Variants in STK33 observed in about 807,000 individuals in gnomAD.
The protein encoded by STK33 is serine/threonine kinase 33.
STK33 carries 52 observed loss-of-function variants against 58.0 expected under a neutral mutation model. That is an observed-to-expected ratio of 0.90 (90% CI 0.72 to 1.13). The LOEUF is 1.13. Ranked by LOEUF, STK33 falls within the 50% of genes most tolerant of loss-of-function variation. STK33 has a pLI of 0.00. For missense variants in STK33, 630 were observed against 604.2 expected, an observed-to-expected ratio of 1.04 and a Z score of -0.45; for synonymous variants, 215 against 200.1, an observed-to-expected ratio of 1.07 and a Z score of -0.63.
intron 11 of STK33, among the ~76,000 whole-genome samples, chr11:8,445,660 C>G (rs1287172894): frequency 6.6e-6 from 1 of 152,136 alleles, no homozygotes; most frequent in African/African-American, 2.4e-5. Flanking sequence ...GTCTTTGGTT[C>G]TGTTTACGTG....
At chr11:8,546,006 A>C (rs549177955) in intron 1 of STK33, among the ~76,000 whole-genome samples, 4 of 152,240 alleles carry the variant, frequency 2.6e-5, no homozygotes, top group Admixed American at 1.3e-4. Context: ...ACTGTATTAA[A>C]TACTGTAGGC....
chr11:8,449,425 C>A (rs1031929137), intron 11 of STK33, among the ~76,000 whole-genome samples: 4 of 151,634 alleles, frequency 2.6e-5, no homozygotes, highest in African/African-American at 9.8e-5. Context: ...AAATGTGGCA[C>A]ATATACACTA....
chr11:8,454,930 G>T, intron 9 of STK33, 98 bp from the exon 10 acceptor site: 1 of 1,233,722 alleles, frequency 8.1e-7, no homozygotes. Flanking sequence ...AATATCCGCT[G>T]TTGAAAAATT....
At chr11:8,335,721 C>A in the STK33 span, among the ~76,000 whole-genome samples, 1 of 152,244 alleles carries the variant, frequency 6.6e-6, no homozygotes, top group East Asian at 1.9e-4. Flanking sequence ...TTTCTTTAAC[C>A]CAATATTATT....
intron 8 of STK33, 51 bp from the exon 9 acceptor site, chr11:8,457,530 T>C (rs1207473002): frequency 6.9e-7 from 1 of 1,451,644 alleles, no homozygotes; most frequent in Non-Finnish European, 9.4e-7. Context: ...TATCTGGGGA[T>C]CTTTAAAATG....
intron 1 of STK33, among the ~76,000 whole-genome samples, chr11:8,497,825 C>A (rs1361003844): frequency 6.6e-6 from 1 of 152,136 alleles, no homozygotes; most frequent in Non-Finnish European, 1.5e-5. Flanking sequence ...CTAAATCCAG[C>A]AAAACTAACT....
At chr11:8,537,563 G>C (rs1332150860) in intron 1 of STK33, among the ~76,000 whole-genome samples, 1 of 152,100 alleles carries the variant, frequency 6.6e-6, no homozygotes, top group Non-Finnish European at 1.5e-5. Context: ...TTTTTGGTAT[G>C]ATAAGTGATT....
At chr11:8,565,170 C>T (rs1304154472) in intron 1 of STK33, among the ~76,000 whole-genome samples, 1 of 152,010 alleles carries the variant, frequency 6.6e-6, no homozygotes, top group Admixed American at 6.6e-5. Flanking sequence ...AAAAAAATAA[C>T]AAAGTAGTGA....
Position 8,527,562 on chromosome 11 carries a change from A to G in STK33, c.-465-46948T>C, listed in dbSNP as rs76417951. ...GAAGACATAAGTAGGCACAGTTCAC[A>G]AGTAAGCTGTTCCCATGGCAAGAAC... On this transcript the variant is annotated intron_variant, in intron 1 of 15. Coordinates refer to ENST00000687296, the MANE Select transcript of STK33 (RefSeq NM_001352389.2). Among the ~76,000 whole-genome samples the G allele has an allele frequency of 8.5e-3, 1,289 of 152,252 alleles. 28 individuals carry two copies. The highest frequency in any genetic ancestry group is 0.03 in the African/African-American group (1,255 of 41,508).
chr11:8,470,829 A>G (rs1316575544), intron 6 of STK33, among the ~76,000 whole-genome samples: 1 of 152,220 alleles, frequency 6.6e-6, no homozygotes, highest in Non-Finnish European at 1.5e-5. Context: ...GCAATTTGTG[A>G]CACCCCCAAA....
chr11:8,416,909 A>G (rs1941215722), intron 14 of STK33, among the ~76,000 whole-genome samples: 1 of 152,198 alleles, frequency 6.6e-6, no homozygotes, highest in Admixed American at 6.6e-5. Context: ...GTGCATCTGG[A>G]TAACTTACTA....
the STK33 span, among the ~76,000 whole-genome samples, chr11:8,385,042 C>T: frequency 6.6e-6 from 1 of 152,218 alleles, no homozygotes. Flanking sequence ...ACACCACCAT[C>T]AATCTGGTTA....
intron 1 of STK33, among the ~76,000 whole-genome samples, chr11:8,562,397 T>C (rs1957172734): frequency 6.6e-6 from 1 of 152,166 alleles, no homozygotes; most frequent in Non-Finnish European, 1.5e-5. Context: ...CTGGCTTCCT[T>C]GGGGATTTTC....
At chr11:8,470,743 G>C (rs529368613) in intron 6 of STK33, among the ~76,000 whole-genome samples, 1 of 152,260 alleles carries the variant, frequency 6.6e-6, no homozygotes, top group Admixed American at 6.5e-5. Flanking sequence ...GCCAAGGAGA[G>C]GGAGAGAGAT....
At chr11:8,591,139 AAAC>A (rs1350287756) in intron 1 of STK33, among the ~76,000 whole-genome samples, 10 of 152,330 alleles carry the variant, frequency 6.6e-5, no homozygotes, top group African/African-American at 2.4e-4. Flanking sequence ...CCATCAGTTC[AAAC>A]AACTGTCAGA....
At chr11:8,439,050 A>G (rs918577308) in intron 12 of STK33, among the ~76,000 whole-genome samples, 1 of 152,194 alleles carries the variant, frequency 6.6e-6, no homozygotes, top group Non-Finnish European at 1.5e-5. Flanking sequence ...ATGATCTGGA[A>G]GAGGCAGTGC....
intron 14 of STK33, among the ~76,000 whole-genome samples, chr11:8,435,238 A>T (rs1591031343): frequency 6.6e-6 from 1 of 152,286 alleles, no homozygotes; most frequent in Admixed American, 6.5e-5. Context: ...GCTCTGTTCT[A>T]TTGGACATGA....
At chr11:8,497,064 C>T (rs1951115435) in intron 1 of STK33, among the ~76,000 whole-genome samples, 1 of 151,898 alleles carries the variant, frequency 6.6e-6, no homozygotes, top group Non-Finnish European at 1.5e-5. Flanking sequence ...ATTAATTCCA[C>T]ATATTACAAA....
At chr11:8,573,576 T>C (rs1957972449) in intron 1 of STK33, among the ~76,000 whole-genome samples, 1 of 152,238 alleles carries the variant, frequency 6.6e-6, no homozygotes, top group Non-Finnish European at 1.5e-5. Flanking sequence ...GTTGTACTCT[T>C]GGGCATTTAT....
Sources: gnomAD v4.1 joint callset for allele counts (sites outside exome capture counted in the v4.1 genomes callset) on GRCh38, gnomAD v4.1.1 for gene constraint, MANE v1.5 for transcripts, NCBI Gene and HGNC (gene_info 2026-07-23, HGNC 2026-07-21) for gene names.